The following PPEF2 variants were observed in gnomAD, a reference collection of about 807,000 sequenced individuals.
PPEF2 encodes the protein protein phosphatase with EF-hand domain 2.
Under a neutral mutation model 84.7 loss-of-function variants are expected in PPEF2, and 84 were observed. That is an observed-to-expected ratio of 0.99 (90% CI 0.83 to 1.19). The LOEUF is 1.19. Among genes scored for constraint, PPEF2 ranks in the 50% most tolerant of loss-of-function variants. The probability of loss-of-function intolerance (pLI) is 0.00; values close to 1 mark genes in which losing one functional copy is unlikely to be tolerated. For missense variants in PPEF2, 924 were observed against 937.5 expected, an observed-to-expected ratio of 0.99 and a Z score of 0.19; for synonymous variants, 346 against 345.2, an observed-to-expected ratio of 1.00 and a Z score of -0.03.
chr4:75,867,051 G>C (rs1187977067), intron 14 of PPEF2, among the ~76,000 whole-genome samples: 2 of 152,022 alleles, frequency 1.3e-5, no homozygotes, highest in African/African-American at 4.8e-5. Flanking sequence ...TTCTTTGCTT[G>C]GTTCTGGCCA....
At chr4:75,891,505 A>C (rs1431412978) in intron 4 of PPEF2, 143 bp downstream of exon 4, 2 of 846,932 alleles carry the variant, frequency 2.4e-6, no homozygotes, top group Admixed American at 2.6e-5. Context: ...ATAAAACCCC[A>C]GTCTGCCATT....
At chr4:75,896,517 C>T (rs1310543741) in intron 1 of PPEF2, 134 bp from the exon 2 acceptor site, 1 of 628,136 alleles carries the variant, frequency 1.6e-6, no homozygotes, top group African/African-American at 1.8e-5. Context: ...TGTTCCTCCC[C>T]TGAGAGTTCC....
chr4:75,888,202 AC>A lies in PPEF2; in HGVS notation c.532+11del. On this transcript the variant is annotated intron_variant, in intron 6 of 16. Transcript: ENST00000286719. ...TGTGCAGCATGGAAAGCCGTTTCTG[AC>A]CAGCTCTTACCACACACTGTGATCT... The A allele has an allele frequency of 6.3e-7, 1 of 1,580,482 alleles. No individual in the cohort carries two copies. Among genetic ancestry groups the A allele is most frequent in the Non-Finnish European group, 8.7e-7 (1 of 1,149,606 alleles).
chr4:75,888,297 A>G lies in PPEF2; in HGVS notation c.449T>C (p.Leu150Ser). The part of the protein sequence containing the change: ...QLHARYVLNL[L>S]YETKKHLVQL... ...TACCAGATGTTTCTTGGTTTCATAC[A>G]AAAGGTTCAAGACGTAGCGAGCATG... Residue 150 changes from leucine to serine, a missense_variant, in exon 6 of 17, where the codon TTG becomes TCG. Leu to Ser is a moderately radical substitution (Grantham distance 145). Coordinates refer to ENST00000286719, the MANE Select transcript of PPEF2 (RefSeq NM_006239.3). The G allele has an allele frequency of 6.2e-7, 1 of 1,613,956 alleles. No homozygotes were observed. Among genetic ancestry groups the G allele is most frequent in the Non-Finnish European group, 8.5e-7 (1 of 1,179,864 alleles).
intron 2 of PPEF2, among the ~76,000 whole-genome samples, chr4:75,892,765 A>G (rs922471669): frequency 1.2e-4 from 18 of 152,200 alleles, no homozygotes; most frequent in Admixed American, 3.9e-4. Flanking sequence ...CATTCTTTAT[A>G]TAAGGTTTAG....
rs1723971891 is a variant in PPEF2, at chr4:75,860,599, G to A, written c.*68C>T. 6.4e-7 allele frequency: 1 copy of A among 1,573,676 alleles called. No homozygotes were observed. Among genetic ancestry groups the A allele is most frequent in the East Asian group, 2.3e-5 (1 of 44,426 alleles). On this transcript the variant is annotated 3_prime_UTR_variant, in exon 17 of 17. Transcript: ENST00000286719. ...CATAAAGTTTCACATGGAGAATAAG[G>A]GAGATAGTCTAGTGAGAAGCTGAGC...
chr4:75,866,875 G>A (rs1724144449), intron 14 of PPEF2, among the ~76,000 whole-genome samples: 1 of 152,154 alleles, frequency 6.6e-6, no homozygotes, highest in Non-Finnish European at 1.5e-5. Context: ...TTTTTAAATA[G>A]GAATATATTT....
At chr4:75,891,345 TC>T (rs1263408108) in intron 4 of PPEF2, among the ~76,000 whole-genome samples, 3 of 152,282 alleles carry the variant, frequency 2.0e-5, no homozygotes, top group Admixed American at 2.0e-4. Flanking sequence ...TTGCACTGTT[TC>T]CTAGGCACAC....
chr4:75,867,065 T>C (rs1322126050), intron 14 of PPEF2, among the ~76,000 whole-genome samples: 1 of 152,190 alleles, frequency 6.6e-6, no homozygotes, highest in Non-Finnish European at 1.5e-5. Flanking sequence ...CTGGCCATGT[T>C]ATCCTTCCCT....
chr4:75,894,166 TAAGA>T (rs1199097845), intron 2 of PPEF2, among the ~76,000 whole-genome samples: 1 of 152,176 alleles, frequency 6.6e-6, no homozygotes, highest in Non-Finnish European at 1.5e-5. Flanking sequence ...GTAAATTATT[TAAGA>T]AAGATAGAAC....
intron 12 of PPEF2, 29 bp downstream of exon 12, chr4:75,873,098 G>C: frequency 1.3e-6 from 2 of 1,594,002 alleles, no homozygotes; most frequent in Non-Finnish European, 1.7e-6. Context: ...TGACACACAA[G>C]CCTGTACTGC....
At chr4:75,898,925 T>C (rs1302658392) in intron 1 of PPEF2, among the ~76,000 whole-genome samples, 1 of 152,234 alleles carries the variant, frequency 6.6e-6, no homozygotes, top group Non-Finnish European at 1.5e-5. Flanking sequence ...GATATAGTCA[T>C]GGTACTGTAC....
intron 16 of PPEF2, among the ~76,000 whole-genome samples, chr4:75,862,327 C>T (rs942440353): frequency 4.2e-5 from 6 of 142,804 alleles, no homozygotes; most frequent in Non-Finnish European, 7.6e-5. Context: ...AAAAAACTTT[C>T]GGGCATCAAA....
chr4:75,895,507 C>T (rs1043303311), intron 2 of PPEF2, among the ~76,000 whole-genome samples: 12 of 151,702 alleles, frequency 7.9e-5, no homozygotes, highest in African/African-American at 2.2e-4. Context: ...CCGAGGCAGG[C>T]GGATCACCTG....
chr4:75,860,944 T>A, intron 16 of PPEF2, 24 bp from the exon 17 acceptor site: 1 of 1,607,780 alleles, frequency 6.2e-7, no homozygotes, highest in Non-Finnish European at 8.5e-7. Context: ...GGAAATCACT[T>A]CAGTGAGTTA....
chr4:75,870,945 C>T (rs975394691), intron 13 of PPEF2, among the ~76,000 whole-genome samples: 19 of 150,258 alleles, frequency 1.3e-4, no homozygotes, highest in African/African-American at 4.2e-4. Context: ...GAGATGGAGG[C>T]TTGCTCTGTC....
At position 75,890,065 on chromosome 4, in the gene PPEF2, A is replaced by G; in HGVS notation, c.309T>C (p.Ser103=). Residue 103 remains serine (S), a synonymous_variant, in exon 5 of 17, where the codon AGT becomes AGC. Transcript: ENST00000286719. ...CGGGTACCTCTATGGATTCATAGTC[A>G]CTGCATTTCTTCATCTCGGAGTCCT... ...FAQDSEMKKC[S]DYESIEVPDS... is the part of the protein sequence containing the mutation. The G allele has an allele frequency of 6.2e-7, 1 of 1,613,822 alleles. No homozygotes were observed. Among genetic ancestry groups the G allele is most frequent in the East Asian group, 2.2e-5 (1 of 44,868 alleles).
rs1724616297 is a variant in PPEF2, at chr4:75,883,015, T to A, written c.844A>T (p.Thr282Ser). The change falls in exon 10 of 17, where the codon ACT (threonine) becomes TCT (serine). Residue 282 changes from threonine to serine, a missense_variant. Coordinates refer to ENST00000286719, the MANE Select transcript of PPEF2 (RefSeq NM_006239.3). ...ATTAGAACTTTCTCATCTATCAGAG[T>A]GGCCAGTGGAAGCCAACAGAAAACA... ...QDVFCWLPLA[T>S]LIDEKVLILH... 2 of 1,614,074 alleles carry A rather than the reference T, an allele frequency of 1.2e-6. No individual in the cohort carries two copies. Among genetic ancestry groups the A allele is most frequent in the Admixed American group, 3.3e-5 (2 of 60,002 alleles).
At chr4:75,883,242 GT>G in intron 8 of PPEF2, 40 bp from the exon 9 acceptor site, 1 of 1,571,506 alleles carries the variant, frequency 6.4e-7, no homozygotes, top group Non-Finnish European at 8.7e-7. Flanking sequence ...AGTAAACTGG[GT>G]GACAATAATC....
Sources: gnomAD v4.1 joint callset for allele counts (sites outside exome capture counted in the v4.1 genomes callset) on GRCh38, gnomAD v4.1.1 for gene constraint, MANE v1.5 for transcripts, NCBI Gene and HGNC (gene_info 2026-07-23, HGNC 2026-07-21) for gene names.